Variants in LTBP1 observed in about 807,000 individuals in gnomAD.
LTBP1 encodes the protein latent-transforming growth factor beta-binding protein 1.
Under a neutral mutation model 207.6 loss-of-function variants are expected in LTBP1, and 129 were observed. The observed-to-expected ratio is 0.62, with a 90% confidence interval of 0.54 to 0.72. The LOEUF is 0.72. Among genes scored for constraint, LTBP1 ranks in the 30% least tolerant of loss-of-function variants. The pLI is 0.00. For missense variants in LTBP1, 2,281 were observed against 2,217.2 expected (o/e 1.03, Z -0.58); for synonymous variants, 963 against 833.7 (o/e 1.16, Z -2.67).
chr2:32,963,565 A>G (rs1260089346), intron 2 of LTBP1, among the ~76,000 whole-genome samples: 4 of 152,170 alleles, frequency 2.6e-5, no homozygotes, highest in Admixed American at 6.5e-5. Flanking sequence ...AGTGGCAAAG[A>G]AACCAGTTTT....
At chr2:33,235,729 A>G (rs568791547) in intron 9 of LTBP1, among the ~76,000 whole-genome samples, 2 of 152,376 alleles carry the variant, frequency 1.3e-5, no homozygotes, top group South Asian at 2.1e-4. Flanking sequence ...AGCCATAAAA[A>G]AGGATGAGTT....
At chr2:33,033,368 A>T (rs1338131523) in intron 3 of LTBP1, among the ~76,000 whole-genome samples, 1 of 152,270 alleles carries the variant, frequency 6.6e-6, no homozygotes, top group African/African-American at 2.4e-5. Flanking sequence ...TAATTAAAGG[A>T]TTAACTTACT....
chr2:33,275,684 CAAAA>C, intron 17 of LTBP1, 113 bp from the exon 18 acceptor site: 2 of 1,071,232 alleles, frequency 1.9e-6, no homozygotes, highest in Non-Finnish European at 2.6e-6. Context: ...AACTCCATCT[CAAAA>C]AAAAAAAGAA....
intron 3 of LTBP1, among the ~76,000 whole-genome samples, chr2:33,075,950 T>G (rs1430789575): frequency 1.3e-5 from 2 of 152,230 alleles, no homozygotes; most frequent in African/African-American, 4.8e-5. Context: ...TGTTCAGCTA[T>G]TATTTGCATG....
At chr2:33,180,699 G>C (rs1022450644) in intron 5 of LTBP1, among the ~76,000 whole-genome samples, 1 of 152,062 alleles carries the variant, frequency 6.6e-6, no homozygotes, top group African/African-American at 2.4e-5. Context: ...TAAGTGATCT[G>C]CCTGCCTGGG....
At chr2:32,966,974 T>C (rs766153713) in intron 2 of LTBP1, among the ~76,000 whole-genome samples, 12 of 152,120 alleles carry the variant, frequency 7.9e-5, no homozygotes, top group Non-Finnish European at 1.6e-4. Flanking sequence ...AAATGTTTCC[T>C]AGAATTGAAC....
chr2:33,127,662 G>T (rs931103220), intron 4 of LTBP1, among the ~76,000 whole-genome samples: 1 of 152,180 alleles, frequency 6.6e-6, no homozygotes, highest in South Asian at 2.1e-4. Flanking sequence ...GCCTGACTGA[G>T]GCCAAAGGAA....
intron 8 of LTBP1, among the ~76,000 whole-genome samples, chr2:33,220,477 C>T (rs1382658963): frequency 6.6e-6 from 1 of 152,150 alleles, no homozygotes; most frequent in Non-Finnish European, 1.5e-5. Context: ...TTTAAATCTG[C>T]AAATGATTTC....
At chr2:33,108,185 T>G (rs2080174607) in intron 3 of LTBP1, among the ~76,000 whole-genome samples, 1 of 151,898 alleles carries the variant, frequency 6.6e-6, no homozygotes, top group Non-Finnish European at 1.5e-5. Context: ...TCTACTTGCC[T>G]CAGCAGGGGT....
intron 2 of LTBP1, among the ~76,000 whole-genome samples, chr2:32,984,764 T>C (rs995175486): frequency 7.6e-5 from 7 of 91,650 alleles, no homozygotes; most frequent in African/African-American, 1.9e-4. Flanking sequence ...CTACTAAAAA[T>C]ACAAAAAAAA....
intron 4 of LTBP1, among the ~76,000 whole-genome samples, chr2:33,117,287 G>A (rs2080803583): frequency 6.6e-6 from 1 of 152,220 alleles, no homozygotes; most frequent in African/African-American, 2.4e-5. Context: ...ATGGTTGAAT[G>A]TCTTGCTTGT....
chr2:33,347,889 G>A (rs1375949144), intron 26 of LTBP1, among the ~76,000 whole-genome samples: 1 of 152,210 alleles, frequency 6.6e-6, no homozygotes, highest in Non-Finnish European at 1.5e-5. Flanking sequence ...TTAGAGAAAT[G>A]TGTCTTGACA....
chr2:33,171,079 C>G (rs1288914941), intron 5 of LTBP1, among the ~76,000 whole-genome samples: 4 of 116,064 alleles, frequency 3.4e-5, no homozygotes, highest in African/African-American at 1.3e-4. Flanking sequence ...AGCAGAAAAA[C>G]TGGAAACTCT....
At chr2:33,114,519 A>G (rs2080618493) in intron 4 of LTBP1, among the ~76,000 whole-genome samples, 1 of 152,156 alleles carries the variant, frequency 6.6e-6, no homozygotes, top group African/African-American at 2.4e-5. Flanking sequence ...GCAGCCCAAG[A>G]GGCCCTGCTT....
At chr2:33,305,315 C>G (rs2094069809) in intron 22 of LTBP1, among the ~76,000 whole-genome samples, 1 of 151,398 alleles carries the variant, frequency 6.6e-6, no homozygotes, top group Non-Finnish European at 1.5e-5. Context: ...CAGAGCAAGA[C>G]TATGTCTCAA....
intron 5 of LTBP1, among the ~76,000 whole-genome samples, chr2:33,176,831 G>T (rs1405140856): frequency 6.6e-6 from 1 of 152,118 alleles, no homozygotes; most frequent in Non-Finnish European, 1.5e-5. Flanking sequence ...CCCTTTTGTT[G>T]CTGATATGCT....
At chr2:33,046,229 A>G (rs557179214) in intron 3 of LTBP1, among the ~76,000 whole-genome samples, 1 of 152,328 alleles carries the variant, frequency 6.6e-6, no homozygotes, top group South Asian at 2.1e-4. Context: ...TTGCCCATTC[A>G]GTATGATATT....
At chr2:33,030,798 C>G (rs1361216878) in intron 3 of LTBP1, among the ~76,000 whole-genome samples, 2 of 152,126 alleles carry the variant, frequency 1.3e-5, no homozygotes, top group African/African-American at 4.8e-5. Flanking sequence ...AAATAAATTG[C>G]TGTCTGTGAA....
chr2:32,971,431 C>T (rs754064225), intron 2 of LTBP1, among the ~76,000 whole-genome samples: 55 of 151,968 alleles, frequency 3.6e-4, no homozygotes, highest in Non-Finnish European at 7.4e-4. Context: ...GTGGGTTTGT[C>T]GTAGATGGCC....
Sources: allele counts gnomAD v4.1 joint callset (sites outside exome capture counted in the v4.1 genomes callset), GRCh38; gene constraint gnomAD v4.1.1; transcripts MANE v1.5; gene names NCBI Gene and HGNC (gene_info 2026-07-23, HGNC 2026-07-21).